The following NOXRED1 variants were observed in gnomAD, a reference collection of about 807,000 sequenced individuals.
NOXRED1 encodes NADP dependent oxidoreductase domain containing 1, also known as NADP-dependent oxidoreductase domain-containing protein 1.
A neutral mutation model predicts 30.4 loss-of-function variants in NOXRED1; 20 were observed. The ratio of observed to expected loss-of-function variants is 0.66; its 90% CI spans 0.46 to 0.96. The LOEUF is 0.96. Among genes scored for constraint, NOXRED1 ranks in the 40% least tolerant of loss-of-function variants. The pLI is 0.00. For synonymous variants in NOXRED1, 155 were observed against 168.0 expected (o/e 0.92, Z 0.60); for missense variants, 374 against 428.0 (o/e 0.87, Z 1.11).
At position 77,414,048 on chromosome 14, in the gene NOXRED1, C is replaced by A. The variant is rs1206056744; in HGVS notation, c.235G>T (p.Val79Leu). The A allele has an allele frequency of 6.2e-7, 1 of 1,612,084 alleles. No individual in the cohort carries two copies. Among genetic ancestry groups the A allele is most frequent in the African/African-American group, 1.3e-5 (1 of 74,890 alleles). The change falls in exon 2 of 6, where the codon GTG (valine) becomes TTG (leucine). Residue 79 changes from valine to leucine, a missense_variant. By Grantham distance (32) the Val-to-Leu change is conservative. Coordinates refer to ENST00000380835, the MANE Select transcript of NOXRED1 (RefSeq NM_001113475.3). ...AGGTGGCCACCTCCAATGATGCCCA[C>A]CTTAAACTCTTCAGGAGTGGCTGAA... ...LNSATPEEFK[V>L]GIIGGGHLGK...
chr14:77,410,050 G>A (rs1566710433), intron 2 of NOXRED1, among the ~76,000 whole-genome samples: 1 of 151,854 alleles, frequency 6.6e-6, no homozygotes. Context: ...TGATGCAGCT[G>A]ACTCAGTCTC....
rs1894130782 is a variant in NOXRED1 at position 77,394,597 on chromosome 14, G to A, written c.*34C>T. 7.7e-6 allele frequency: 12 copies of A among 1,553,740 alleles called. No individual in the cohort carries two copies. The highest frequency in any genetic ancestry group is 1.4e-5 in the African/African-American group (1 of 73,668). On this transcript the variant is annotated 3_prime_UTR_variant, in exon 6 of 6. Coordinates refer to ENST00000380835, the MANE Select transcript of NOXRED1 (RefSeq NM_001113475.3). ...GGCACAACTATTATAGGGAAAATCT[G>A]TGAGTGGGAAAAAATCCTGATTCCT... is the stretch of plus-strand genomic sequence containing the variant.
rs764825088 is a variant in NOXRED1 at position 77,414,044 on chromosome 14, C to G, written c.239G>C (p.Gly80Ala). ...NSATPEEFKV[G>A]IIGGGHLGKQ... Reference sequence around the variant, plus strand: ...CCCAAGGTGGCCACCTCCAATGATGCCCACCTTAAACTCTTCAGGAGTGGC... The same window carrying G: ...CCCAAGGTGGCCACCTCCAATGATGGCCACCTTAAACTCTTCAGGAGTGGC... The change falls in exon 2 of 6, where the codon GGC becomes GCC. Residue 80 changes from glycine to alanine, a missense_variant. By Grantham distance (60) the Gly-to-Ala change is moderately conservative. Transcript: ENST00000380835. 5 of 1,611,646 alleles carry G rather than the reference C, an allele frequency of 3.1e-6. No individual in the cohort carries two copies. In the Admixed American group the frequency reaches 6.7e-5, roughly 22 times the overall value.
At chr14:77,417,890 AT>A (rs35970109) in intron 1 of NOXRED1, among the ~76,000 whole-genome samples, 47,421 of 137,028 alleles carry the variant, frequency 0.35, 7,812 homozygotes, top group Middle Eastern at 0.54. Context: ...TATTTCACTG[AT>A]TTTTTTTTTT....
At chr14:77,407,890 C>T (rs1174850122) in intron 2 of NOXRED1, among the ~76,000 whole-genome samples, 2 of 126,198 alleles carry the variant, frequency 1.6e-5, no homozygotes, top group Non-Finnish European at 1.6e-5. Flanking sequence ...TTTTTTGAGA[C>T]GGAGTCTCAC....
intron 1 of NOXRED1, among the ~76,000 whole-genome samples, chr14:77,421,856 T>C (rs1895001260): frequency 6.6e-6 from 1 of 152,250 alleles, no homozygotes; most frequent in Non-Finnish European, 1.5e-5. Context: ...CCTTCTCTCC[T>C]GGTTGAAAGA....
chr14:77,400,977 A>C (rs897361830), intron 5 of NOXRED1, among the ~76,000 whole-genome samples: 4 of 152,240 alleles, frequency 2.6e-5, no homozygotes, highest in African/African-American at 9.6e-5. Flanking sequence ...AAGAAGACTC[A>C]ATACTATAAA....
intron 2 of NOXRED1, among the ~76,000 whole-genome samples, chr14:77,408,475 C>A (rs1194505663): frequency 6.6e-6 from 1 of 152,060 alleles, no homozygotes; most frequent in African/African-American, 2.4e-5. Context: ...GGATTACAGG[C>A]ATGAGCCCTA....
intron 5 of NOXRED1, among the ~76,000 whole-genome samples, chr14:77,397,149 T>A (rs1894210542): frequency 6.6e-6 from 1 of 152,236 alleles, no homozygotes; most frequent in South Asian, 2.1e-4. Context: ...TCAACCCAGA[T>A]GTCCTTCAAC....
At chr14:77,399,125 A>G (rs1894259384) in intron 5 of NOXRED1, among the ~76,000 whole-genome samples, 1 of 152,116 alleles carries the variant, frequency 6.6e-6, no homozygotes, top group Admixed American at 6.5e-5. Context: ...TCAGAACCAC[A>G]TATGAGAGGA....
intron 5 of NOXRED1, among the ~76,000 whole-genome samples, chr14:77,399,768 A>G (rs1322205625): frequency 1.3e-5 from 2 of 152,202 alleles, no homozygotes; most frequent in African/African-American, 4.8e-5. Context: ...GCGCATAATG[A>G]GACTAGAAGG....
intron 1 of NOXRED1, among the ~76,000 whole-genome samples, chr14:77,419,025 G>A (rs1755553943): frequency 6.7e-6 from 1 of 149,410 alleles, no homozygotes; most frequent in African/African-American, 2.4e-5. Flanking sequence ...GTCCAGGAGT[G>A]ATGAGGTTTT....
Position 77,406,630 on chromosome 14 carries a change from CACACAGAGAG to C in NOXRED1, c.682+84_682+93del, listed in dbSNP as rs750716213. 7.4e-4 allele frequency: 298 copies of C among 400,850 alleles called. No homozygotes were observed. In the African/African-American group the frequency reaches 0.01, roughly 14 times the overall value. 24.8% of individuals were successfully genotyped at this position (400,850 alleles called of 1,614,324 possible). On this transcript the variant is annotated intron_variant, in intron 4 of 5. Transcript: ENST00000380835. ...ACACACACACACACACACACACACACACACAGAGAGAGAGAGATTGATTTAATAAGATAGC... is the reference window on the plus strand; with the variant it reads ...ACACACACACACACACACACACACACAGAGAGATTGATTTAATAAGATAGC...
intron 2 of NOXRED1, among the ~76,000 whole-genome samples, chr14:77,408,217 A>AT (rs3214406): frequency 1.1e-4 from 17 of 151,278 alleles, no homozygotes; most frequent in East Asian, 7.8e-4. Context: ...AATTTTTCCA[A>AT]TTTTTTTTTA....
chr14:77,423,729 T>A (rs370689923), upstream of NOXRED1, among the ~76,000 whole-genome samples: 44 of 152,218 alleles, frequency 2.9e-4, 1 homozygote, highest in South Asian at 9.1e-3. Flanking sequence ...AGATTCTGGA[T>A]TTCTAGGGGT....
chr14:77,417,215 G>A (rs898733004), intron 1 of NOXRED1, among the ~76,000 whole-genome samples: 3 of 151,624 alleles, frequency 2.0e-5, no homozygotes, highest in Admixed American at 6.6e-5. Flanking sequence ...GTGACCTAAC[G>A]TGATCTATCC....
chr14:77,406,532 C>A, intron 4 of NOXRED1, 192 bp downstream of exon 4: 1 of 687,628 alleles, frequency 1.5e-6, no homozygotes. Context: ...CTTAAGAAGT[C>A]CAAATGATCA....
intron 5 of NOXRED1, among the ~76,000 whole-genome samples, chr14:77,399,628 G>A (rs1023777516): frequency 3.9e-5 from 6 of 152,092 alleles, no homozygotes; most frequent in East Asian, 3.9e-4. Context: ...GTTCATGGCC[G>A]AGGAAATAAT....
At chr14:77,412,598 C>T (rs1894688924) in intron 2 of NOXRED1, among the ~76,000 whole-genome samples, 1 of 151,552 alleles carries the variant, frequency 6.6e-6, no homozygotes, top group Non-Finnish European at 1.5e-5. Context: ...CTGCAAGCTC[C>T]GCCTCCTGGG....
Sources: gnomAD v4.1 joint callset for allele counts (sites outside exome capture counted in the v4.1 genomes callset) on GRCh38, gnomAD v4.1.1 for gene constraint, MANE v1.5 for transcripts, NCBI Gene and HGNC (gene_info 2026-07-23, HGNC 2026-07-21) for gene names.